SP100: variants seen among roughly 807,000 people sequenced by gnomAD.
SP100 encodes the protein SP100 nuclear body protein, also known as nuclear autoantigen Sp-100.
A neutral mutation model predicts 130.0 loss-of-function variants in SP100; 84 were observed. That is an observed-to-expected ratio of 0.65 (90% CI 0.54 to 0.77). The LOEUF is 0.77. Ranked by LOEUF, SP100 falls within the 30% of genes least tolerant of loss-of-function variation. SP100 has a pLI of 0.00. For synonymous variants in SP100, 331 were observed against 351.7 expected (o/e 0.94, Z 0.66); for missense variants, 978 against 1,052.2 (o/e 0.93, Z 0.97).
intron 15 of SP100, among the ~76,000 whole-genome samples, chr2:230,471,955 TTGAC>T (rs2065282208): frequency 6.6e-6 from 1 of 152,128 alleles, no homozygotes; most frequent in Non-Finnish European, 1.5e-5. Flanking sequence ...TGCTGATTGA[TTGAC>T]AGCCTTGCAA....
intron 12 of SP100, among the ~76,000 whole-genome samples, chr2:230,466,855 G>A (rs2149982083): frequency 6.6e-6 from 1 of 152,292 alleles, no homozygotes; most frequent in East Asian, 1.9e-4. Flanking sequence ...AGAAGACAGA[G>A]GGCCAAGACA....
At chr2:230,501,515 A>G (rs1216839917) in intron 19 of SP100, among the ~76,000 whole-genome samples, 2 of 152,214 alleles carry the variant, frequency 1.3e-5, no homozygotes, top group Middle Eastern at 3.2e-3. Flanking sequence ...ACCTCTAAGT[A>G]ATTGTTATGA....
chr2:230,524,229 G>T (rs1010012437), intron 24 of SP100, among the ~76,000 whole-genome samples: 7 of 147,978 alleles, frequency 4.7e-5, no homozygotes, highest in African/African-American at 1.7e-4. Context: ...GGTGGCAGTT[G>T]CCTGTAATCC....
chr2:230,526,493 G>A (rs928964959), intron 24 of SP100, among the ~76,000 whole-genome samples: 1 of 152,128 alleles, frequency 6.6e-6, no homozygotes, highest in African/African-American at 2.4e-5. Flanking sequence ...TCCAAAAACA[G>A]AGCGCCTCTT....
intron 11 of SP100, among the ~76,000 whole-genome samples, chr2:230,464,409 A>C (rs913646503): frequency 6.6e-6 from 1 of 152,212 alleles, no homozygotes; most frequent in African/African-American, 2.4e-5. Context: ...ATGCTAGTAA[A>C]ATAACAGTCT....
chr2:230,507,974 T>C lies in SP100; in HGVS notation c.2014-19T>C, dbSNP rs1011328695. On this transcript the variant is annotated intron_variant, in intron 22 of 28. Transcript: ENST00000340126. ...AAAAGCAAGAACCCATCAAATCATT[T>C]ATCTCTTTTCTTTTTTAGAACAAAT... 1.2e-6 allele frequency: 2 copies of C among 1,611,914 alleles called. No individual in the cohort carries two copies. The highest frequency in any genetic ancestry group is 1.7e-5 in the Admixed American group (1 of 59,870).
Position 230,541,951 on chromosome 2 carries a change from T to G in SP100, c.2463T>G (p.Ser821Arg). Residue 821 changes from serine to arginine, a missense_variant, in exon 28 of 29, where the codon AGT (serine) becomes AGG (arginine). Transcript: ENST00000340126. ...TGTGGTTAAACAAAGTCAAGACAAG[T>G]TTGAATGAGCAGATGTACACCCGAG... Reference protein sequence around the residue: ...KPMWLNKVKTSLNEQMYTRVE... With the variant: ...KPMWLNKVKTRLNEQMYTRVE... The G allele has an allele frequency of 1.2e-6, 2 of 1,614,060 alleles. No homozygotes were observed. Among genetic ancestry groups the G allele is most frequent in the Non-Finnish European group, 1.7e-6 (2 of 1,179,966 alleles).
chr2:230,437,166 C>A (rs546397082), intron 2 of SP100, among the ~76,000 whole-genome samples: 1 of 152,200 alleles, frequency 6.6e-6, no homozygotes, highest in Admixed American at 6.5e-5. Context: ...TAAAAAATAA[C>A]TGCTAGGACT....
chr2:230,471,245 A>G (rs769819536), intron 15 of SP100, among the ~76,000 whole-genome samples: 12 of 152,198 alleles, frequency 7.9e-5, no homozygotes, highest in Non-Finnish European at 1.2e-4. Flanking sequence ...CAGCAGGGCA[A>G]TGGGCAGAAA....
rs2067133181 is a variant in SP100 at position 230,503,194 on chromosome 2, T to C, written c.1765+84T>C. ...TACTGTGAGTAACAAGTCAGTTTTC[T>C]TAATTGGCATATGGAGCTAGTACTG... is the stretch of plus-strand genomic sequence containing the variant. On this transcript the variant is annotated intron_variant, in intron 20 of 28. Transcript: ENST00000340126. 6.0e-6 allele frequency: 6 copies of C among 1,007,112 alleles called. No homozygotes were observed. The East Asian group carries it at 1.5e-4, about 26-fold the overall frequency. The allele number at this position is 1,007,112 out of a possible 1,614,324, so 62.4% of individuals were successfully genotyped here.
Position 230,473,359 on chromosome 2 carries a change from T to C in SP100, c.1465T>C (p.Ser489Pro). The change falls in exon 16 of 29, where the codon TCC becomes CCC. Residue 489 changes from serine to proline, a missense_variant. By Grantham distance (74) the Ser-to-Pro change is moderately conservative. Coordinates refer to ENST00000340126, the MANE Select transcript of SP100 (RefSeq NM_001080391.2). Reference protein sequence around the residue: ...QPQEPENKKCSCVMCFPKGVP... With the variant: ...QPQEPENKKCPCVMCFPKGVP... ...ACAAGAACCTGAAAATAAGAAGTGC[T>C]CCTGTGTCATGTGTTTTCCAAAAGG... 1 of 1,613,832 alleles carries C rather than the reference T, an allele frequency of 6.2e-7. No individual in the cohort carries two copies. The highest frequency in any genetic ancestry group is 8.5e-7 in the Non-Finnish European group (1 of 1,179,826).
chr2:230,531,486 C>T (rs1575813394), intron 24 of SP100, among the ~76,000 whole-genome samples: 1 of 151,732 alleles, frequency 6.6e-6, no homozygotes, highest in Non-Finnish European at 1.5e-5. Context: ...ACATGTATAC[C>T]TATATAACAA....
chr2:230,472,728 A>C (rs559195878), intron 15 of SP100, among the ~76,000 whole-genome samples: 2 of 152,294 alleles, frequency 1.3e-5, no homozygotes, highest in South Asian at 4.1e-4. Flanking sequence ...TAGGATCTGA[A>C]ATGACCATGA....
intron 21 of SP100, among the ~76,000 whole-genome samples, chr2:230,505,846 G>A (rs952292135): frequency 6.6e-6 from 1 of 152,120 alleles, no homozygotes; most frequent in African/African-American, 2.4e-5. Context: ...ACAAGACAAG[G>A]CAGATGTGGC....
At position 230,541,295 on chromosome 2, in the gene SP100, T is replaced by C. The variant is rs374311488; in HGVS notation, c.2332-6T>C. The C allele has an allele frequency of 1.4e-5, 23 of 1,613,458 alleles. No homozygotes were observed. The African/African-American group carries it at 3.1e-4, about 22-fold the overall frequency. ...TTTAATTTGAAATGGCCTCCATCTT[T>C]TGCAGAAATGTGAATTCCTCCTCTT... On this transcript the variant is annotated splice_region_variant and splice_polypyrimidine_tract_variant and intron_variant, in intron 26 of 28. Transcript: ENST00000340126.
intron 1 of SP100, 122 bp downstream of exon 1, chr2:230,416,450 G>A (rs2062602410): frequency 2.5e-6 from 2 of 806,282 alleles, no homozygotes; most frequent in Non-Finnish European, 3.9e-6. Flanking sequence ...ATAGGTATGC[G>A]ATGTTATATA....
At chr2:230,470,603 G>T in intron 15 of SP100, 1 of 220,214 alleles carries the variant, frequency 4.5e-6, no homozygotes, top group Non-Finnish European at 7.7e-6. Flanking sequence ...ATGTCTTTTG[G>T]CAAATAATAT....
intron 3 of SP100, 79 bp from the exon 4 acceptor site, chr2:230,444,099 A>C: frequency 9.5e-7 from 1 of 1,055,048 alleles, no homozygotes; most frequent in South Asian, 1.8e-5. Flanking sequence ...AGAATACAGT[A>C]ACCATAGAAT....
At chr2:230,450,348 G>A (rs1157127889) in intron 8 of SP100, 93 bp downstream of exon 8, 12 of 833,766 alleles carry the variant, frequency 1.4e-5, no homozygotes, top group East Asian at 1.0e-4. Flanking sequence ...TTTTACCATC[G>A]TAACCACTTT....
Sources: gnomAD v4.1 joint callset for allele counts (sites outside exome capture counted in the v4.1 genomes callset) on GRCh38, gnomAD v4.1.1 for gene constraint, MANE v1.5 for transcripts, NCBI Gene and HGNC (gene_info 2026-07-23, HGNC 2026-07-21) for gene names.